The following TMOD3 variants were observed in gnomAD, a reference collection of about 807,000 sequenced individuals.
TMOD3 encodes tropomodulin 3.
In TMOD3, 20 loss-of-function variants were observed where a neutral mutation model predicts 39.2. The ratio of observed to expected loss-of-function variants is 0.51; its 90% CI spans 0.36 to 0.74. TMOD3 has a LOEUF of 0.74. Among genes scored for constraint, TMOD3 ranks in the 30% least tolerant of loss-of-function variants. TMOD3 has a pLI of 0.00. For missense variants in TMOD3, 381 were observed against 412.8 expected (o/e 0.92, Z 0.67); for synonymous variants, 143 against 145.8 (o/e 0.98, Z 0.14).
intron 2 of TMOD3, among the ~76,000 whole-genome samples, chr15:51,865,035 A>G (rs1319993307): frequency 6.6e-6 from 1 of 152,124 alleles, no homozygotes; most frequent in Admixed American, 6.5e-5. Flanking sequence ...TCCTCAGGCA[A>G]GAGTGAAGTG....
intron 1 of TMOD3, among the ~76,000 whole-genome samples, chr15:51,855,549 C>T (rs575627709): frequency 3.3e-5 from 5 of 152,318 alleles, no homozygotes; most frequent in South Asian, 4.1e-4. Context: ...CTTAAATGAT[C>T]GTGAGAATGT....
At chr15:51,846,115 A>T (rs908334609) in intron 1 of TMOD3, among the ~76,000 whole-genome samples, 3 of 151,502 alleles carry the variant, frequency 2.0e-5, no homozygotes, top group African/African-American at 7.3e-5. Flanking sequence ...CAGGAGTTTG[A>T]GACCAGCCTG....
At chr15:51,859,154 G>C in intron 1 of TMOD3, 1 of 688,634 alleles carries the variant, frequency 1.5e-6, no homozygotes, top group Non-Finnish European at 2.7e-6. Context: ...TTGCAATACT[G>C]TTTCACAAAG....
chr15:51,875,684 C>T (rs559418017), intron 3 of TMOD3, among the ~76,000 whole-genome samples: 20 of 145,520 alleles, frequency 1.4e-4, no homozygotes, highest in South Asian at 4.4e-4. Context: ...GGCGCGATCT[C>T]GGTTCACTGC....
intron 3 of TMOD3, among the ~76,000 whole-genome samples, chr15:51,879,422 A>C (rs2056521319): frequency 6.6e-6 from 1 of 151,756 alleles, no homozygotes; most frequent in Non-Finnish European, 1.5e-5. Context: ...TTATAATTTC[A>C]GTTTTTAAAA....
chr15:51,861,005 T>G, intron 1 of TMOD3: 1 of 652,916 alleles, frequency 1.5e-6, no homozygotes, highest in Non-Finnish European at 2.7e-6. Flanking sequence ...CTGAGGCACT[T>G]CGGAAAACAC....
intron 3 of TMOD3, among the ~76,000 whole-genome samples, chr15:51,881,764 AT>A (rs1232651915): frequency 6.6e-6 from 1 of 151,288 alleles, no homozygotes; most frequent in Non-Finnish European, 1.5e-5. Context: ...GGGTTTCTCC[AT>A]GTTGGTCAGG....
chr15:51,895,022 A>G (rs754055976), intron 6 of TMOD3, among the ~76,000 whole-genome samples: 88 of 152,266 alleles, frequency 5.8e-4, no homozygotes, highest in Non-Finnish European at 1.0e-3. Flanking sequence ...GATATTAGCC[A>G]TTGTGTAATG....
intron 1 of TMOD3, among the ~76,000 whole-genome samples, chr15:51,837,438 T>TC (rs753299802): frequency 2.0e-5 from 3 of 151,786 alleles, no homozygotes; most frequent in African/African-American, 7.3e-5. Flanking sequence ...TTTTTTTTTT[T>TC]CCTCTTTAAT....
rs779060752 is a variant in TMOD3, at chr15:51,908,857, G to T, written c.*47G>T. 6.6e-7 allele frequency: 1 copy of T among 1,510,240 alleles called. No individual in the cohort carries two copies. The highest frequency in any genetic ancestry group is 9.0e-7 in the Non-Finnish European group (1 of 1,117,070). The allele number at this position is 1,510,240 out of a possible 1,614,324, so 93.6% of individuals were successfully genotyped here. ...GGAAGACTTCAGAAGATCACCAAGG[G>T]CTCATGTTGGTGACATCATGTAAAA... On this transcript the variant is annotated 3_prime_UTR_variant, in exon 10 of 10. Coordinates refer to ENST00000308580, the MANE Select transcript of TMOD3 (RefSeq NM_014547.5).
At chr15:51,882,680 T>C (rs1305695757) in intron 3 of TMOD3, among the ~76,000 whole-genome samples, 2 of 152,240 alleles carry the variant, frequency 1.3e-5, no homozygotes, top group Non-Finnish European at 2.9e-5. Context: ...TCTAAATGTC[T>C]TTCTAGTCCA....
intron 3 of TMOD3, among the ~76,000 whole-genome samples, chr15:51,876,831 C>T (rs995396604): frequency 6.6e-6 from 1 of 151,964 alleles, no homozygotes; most frequent in Non-Finnish European, 1.5e-5. Flanking sequence ...TGCGGCACTG[C>T]GGGAGGATCA....
rs1298761885 is a variant in TMOD3 at position 51,888,937 on chromosome 15, G to T, written c.407-119G>T. On this transcript the variant is annotated intron_variant, in intron 4 of 9. Coordinates refer to ENST00000308580, the MANE Select transcript of TMOD3 (RefSeq NM_014547.5). ...TAATCATTTTGTTTTCTGTGTGGGT[G>T]TGTGATCTGTAATTTATAGGAAAAG... 3 of 631,898 alleles carry T rather than the reference G, an allele frequency of 4.7e-6. No individual in the cohort carries two copies. In the East Asian group the frequency reaches 9.3e-5, roughly 20 times the overall value. The allele number at this position is 631,898 out of a possible 1,614,324, so 39.1% of individuals were successfully genotyped here. A position where few individuals can be genotyped will look rare whatever the true frequency, so the allele number is the denominator to read the frequency against.
At chr15:51,876,556 G>A (rs904164057) in intron 3 of TMOD3, among the ~76,000 whole-genome samples, 2 of 151,422 alleles carry the variant, frequency 1.3e-5, no homozygotes, top group Non-Finnish European at 2.9e-5. Flanking sequence ...CCACCCCCTG[G>A]GTTCATGCCA....
chr15:51,880,379 T>C (rs2141695790), intron 3 of TMOD3, among the ~76,000 whole-genome samples: 1 of 152,234 alleles, frequency 6.6e-6, no homozygotes, highest in Non-Finnish European at 1.5e-5. Flanking sequence ...AGGCATATAA[T>C]TCAATATTCA....
chr15:51,860,453 A>C, intron 1 of TMOD3: 1 of 565,048 alleles, frequency 1.8e-6, no homozygotes, highest in East Asian at 4.7e-5. Context: ...AGTCTTGATA[A>C]AGTTTTGGGC....
intron 1 of TMOD3, among the ~76,000 whole-genome samples, chr15:51,846,096 A>G (rs540676867): frequency 3.8e-4 from 58 of 151,186 alleles, no homozygotes; most frequent in African/African-American, 1.4e-3. Context: ...CAGATGGATT[A>G]CTTGAGCCCA....
At chr15:51,907,957 A>T (rs2056690793) in intron 9 of TMOD3, among the ~76,000 whole-genome samples, 1 of 152,312 alleles carries the variant, frequency 6.6e-6, no homozygotes, top group Middle Eastern at 3.4e-3. Context: ...GCCGGAAGTG[A>T]CCACACCATA....
intron 3 of TMOD3, among the ~76,000 whole-genome samples, chr15:51,877,137 T>G (rs1023667811): frequency 1.3e-5 from 2 of 152,216 alleles, no homozygotes; most frequent in Non-Finnish European, 2.9e-5. Flanking sequence ...ATAGTAATTT[T>G]TAATGTCCTT....
Sources: allele counts gnomAD v4.1 joint callset (sites outside exome capture counted in the v4.1 genomes callset), GRCh38; gene constraint gnomAD v4.1.1; transcripts MANE v1.5; gene names NCBI Gene and HGNC (gene_info 2026-07-23, HGNC 2026-07-21).